The following SKAP2 variants were observed in gnomAD, a reference collection of about 807,000 sequenced individuals.
SKAP2 encodes the protein src kinase-associated phosphoprotein 2.
SKAP2 carries 28 observed loss-of-function variants against 54.9 expected under a neutral mutation model. The ratio of observed to expected loss-of-function variants is 0.51; its 90% CI spans 0.38 to 0.70. The LOEUF is 0.70. Among genes scored for constraint, SKAP2 ranks in the 30% least tolerant of loss-of-function variants. SKAP2 has a pLI of 0.00. For synonymous variants in SKAP2, 137 were observed against 134.3 expected (o/e 1.02, Z -0.14); for missense variants, 356 against 424.1 (o/e 0.84, Z 1.41).
intron 9 of SKAP2, among the ~76,000 whole-genome samples, chr7:26,707,465 C>T (rs908026059): frequency 8.5e-5 from 13 of 152,080 alleles, no homozygotes; most frequent in African/African-American, 3.1e-4. Flanking sequence ...AGCACATACA[C>T]AAAATTTTGT....
chr7:26,700,440 T>TA (rs1786996399), intron 9 of SKAP2, among the ~76,000 whole-genome samples: 1 of 152,220 alleles, frequency 6.6e-6, no homozygotes, highest in South Asian at 2.1e-4. Flanking sequence ...GGATACCAGA[T>TA]ACGCTTTTCA....
At chr7:26,700,958 C>G (rs1028725969) in intron 9 of SKAP2, among the ~76,000 whole-genome samples, 2 of 152,190 alleles carry the variant, frequency 1.3e-5, no homozygotes, top group African/African-American at 4.8e-5. Context: ...TCCTACTTAT[C>G]TTTAAAGCAA....
intron 4 of SKAP2, among the ~76,000 whole-genome samples, chr7:26,836,650 C>A (rs1379280562): frequency 6.6e-6 from 1 of 152,154 alleles, no homozygotes; most frequent in Non-Finnish European, 1.5e-5. Flanking sequence ...CCATCTTACA[C>A]CAGTTAGAAC....
intron 4 of SKAP2, among the ~76,000 whole-genome samples, chr7:26,751,791 C>T (rs1259130229): frequency 6.6e-6 from 1 of 151,754 alleles, no homozygotes; most frequent in Non-Finnish European, 1.5e-5. Context: ...CCTCCTTCTC[C>T]CCCCAAAAAG....
At chr7:26,658,835 CCCA>C in the SKAP2 span, among the ~76,000 whole-genome samples, 6 of 146,944 alleles carry the variant, frequency 4.1e-5, no homozygotes, top group Non-Finnish European at 7.5e-5. Context: ...CCCCCACCCC[CCCA>C]CCAACTCCAA....
At chr7:26,671,476 T>C (rs1244617432) in intron 11 of SKAP2, among the ~76,000 whole-genome samples, 2 of 152,058 alleles carry the variant, frequency 1.3e-5, no homozygotes, top group Non-Finnish European at 2.9e-5. Flanking sequence ...AAATGTAGCA[T>C]TACATTAGCG....
chr7:26,860,410 G>A (rs1785251791), intron 1 of SKAP2, among the ~76,000 whole-genome samples: 1 of 151,968 alleles, frequency 6.6e-6, no homozygotes, highest in African/African-American at 2.4e-5. Flanking sequence ...GAATATCTTG[G>A]AGGTACGATA....
intron 4 of SKAP2, among the ~76,000 whole-genome samples, chr7:26,828,126 G>T (rs1047120681): frequency 2.6e-5 from 4 of 152,034 alleles, no homozygotes; most frequent in Non-Finnish European, 4.4e-5. Flanking sequence ...TATTGACAAA[G>T]CCTGGCCCCG....
intron 4 of SKAP2, among the ~76,000 whole-genome samples, chr7:26,759,926 T>A (rs1478036458): frequency 1.3e-5 from 2 of 151,318 alleles, no homozygotes; most frequent in Non-Finnish European, 2.9e-5. Flanking sequence ...TTGAAGAAAA[T>A]CTCAAAAAAG....
At position 26,802,265 on chromosome 7, in the gene SKAP2, T is replaced by G. The variant is rs1010562777; in HGVS notation, c.307+41765A>C. ...CATAGACTGGAGAAAAGACAGTTTTTTTTTTTTTTTGGTTTTTTTTTTTTT... is the reference window on the plus strand; with the variant it reads ...CATAGACTGGAGAAAAGACAGTTTTGTTTTTTTTTTGGTTTTTTTTTTTTT... On this transcript the variant is annotated intron_variant, in intron 4 of 12. Coordinates refer to ENST00000345317, the MANE Select transcript of SKAP2 (RefSeq NM_003930.5). 6.5e-5 allele frequency among the ~76,000 whole-genome samples: 9 copies of G among 138,282 alleles called. 1 individual carries two copies. In the South Asian group the frequency reaches 1.0e-3, roughly 16 times the overall value. The allele number at this position is 138,282 out of a possible 152,430, so 90.7% of individuals were successfully genotyped here.
intron 6 of SKAP2, among the ~76,000 whole-genome samples, chr7:26,738,387 T>C (rs1039315421): frequency 3.9e-5 from 6 of 152,200 alleles, no homozygotes; most frequent in African/African-American, 1.4e-4. Flanking sequence ...CTCAGAAAGG[T>C]GCTGTTCGTA....
intron 6 of SKAP2, among the ~76,000 whole-genome samples, chr7:26,734,864 A>G (rs1056637788): frequency 6.6e-6 from 1 of 152,128 alleles, no homozygotes; most frequent in Admixed American, 6.5e-5. Context: ...TATCCTTGGG[A>G]GTTAATTTCC....
chr7:26,735,009 T>C (rs539227316), intron 6 of SKAP2, among the ~76,000 whole-genome samples: 7 of 152,262 alleles, frequency 4.6e-5, no homozygotes, highest in African/African-American at 1.7e-4. Context: ...GCAATTAGTT[T>C]CCCTCCTTTG....
Position 26,710,034 on chromosome 7 carries a change from T to G in SKAP2, c.796+15394A>C, listed in dbSNP as rs1241459247. 2.0e-5 allele frequency among the ~76,000 whole-genome samples: 3 copies of G among 152,186 alleles called. No individual in the cohort carries two copies. In the East Asian group the frequency reaches 5.8e-4, roughly 29 times the overall value. ...ATAGTATACTGTTTGGTAATCATTC[T>G]TTTAGGATTCTGCAGTAATTCATGT... On this transcript the variant is annotated intron_variant, in intron 9 of 12. Coordinates refer to ENST00000345317, the MANE Select transcript of SKAP2 (RefSeq NM_003930.5).
At chr7:26,787,523 C>T (rs1783577515) in intron 4 of SKAP2, among the ~76,000 whole-genome samples, 1 of 152,016 alleles carries the variant, frequency 6.6e-6, no homozygotes, top group South Asian at 2.1e-4. Flanking sequence ...GGGGTTTCAC[C>T]ATGTTAGTGG....
chr7:26,733,466 A>G (rs1227702232), intron 6 of SKAP2, among the ~76,000 whole-genome samples: 1 of 152,090 alleles, frequency 6.6e-6, no homozygotes, highest in East Asian at 1.9e-4. Flanking sequence ...TTGTTGTTAC[A>G]AAACAACAGA....
chr7:26,656,489 G>A, the SKAP2 span, among the ~76,000 whole-genome samples: 1 of 152,178 alleles, frequency 6.6e-6, no homozygotes, highest in African/African-American at 2.4e-5. Context: ...TCTGGTATGA[G>A]CAGACAAGTG....
In SKAP2 at chr7:26,710,469, G is replaced by A. The variant is rs183520242; in HGVS notation, c.796+14959C>T. On this transcript the variant is annotated intron_variant, in intron 9 of 12. Coordinates refer to ENST00000345317, the MANE Select transcript of SKAP2 (RefSeq NM_003930.5). ...ATGGGATTTGATCTGGGCCTAGAGA[G>A]CAGGGAGGATATGGTTAGAAACTGA... Among the ~76,000 whole-genome samples the A allele has an allele frequency of 3.3e-5, 5 of 152,280 alleles. No homozygotes were observed. In the East Asian group the frequency reaches 9.7e-4, roughly 29 times the overall value.
At chr7:26,806,766 G>C (rs1480728596) in intron 4 of SKAP2, among the ~76,000 whole-genome samples, 1 of 152,180 alleles carries the variant, frequency 6.6e-6, no homozygotes, top group East Asian at 1.9e-4. Context: ...CTCCCTTAAG[G>C]TGAAATCTAA....
Sources: gnomAD v4.1 joint callset for allele counts (sites outside exome capture counted in the v4.1 genomes callset) on GRCh38, gnomAD v4.1.1 for gene constraint, MANE v1.5 for transcripts, NCBI Gene and HGNC (gene_info 2026-07-23, HGNC 2026-07-21) for gene names.